Variants in TAFA4 observed in about 807,000 individuals in gnomAD.
The protein encoded by TAFA4 is chemokine-like protein TAFA-4.
In TAFA4, 20 loss-of-function variants were observed where a neutral mutation model predicts 21.1. That is an observed-to-expected ratio of 0.95 (90% CI 0.67 to 1.38). The LOEUF is 1.38. Among genes scored for constraint, TAFA4 ranks in the 40% most tolerant of loss-of-function variants. The pLI is 0.00. For synonymous variants in TAFA4, 71 were observed against 67.4 expected, an observed-to-expected ratio of 1.05 and a Z score of -0.26; for missense variants, 211 against 180.9, an observed-to-expected ratio of 1.17 and a Z score of -0.95.
intron 3 of TAFA4, among the ~76,000 whole-genome samples, chr3:68,772,078 A>C (rs76337408): frequency 0.095 from 14,386 of 152,080 alleles, 852 homozygotes; most frequent in African/African-American, 0.16. Flanking sequence ...CCTACACCTC[A>C]TTTTAACCAG....
At chr3:68,749,870 C>T (rs1210124766) in intron 4 of TAFA4, among the ~76,000 whole-genome samples, 1 of 152,228 alleles carries the variant, frequency 6.6e-6, no homozygotes, top group African/African-American at 2.4e-5. Context: ...TCAAATGCTC[C>T]ATAGCCACGG....
At chr3:68,848,901 C>A (rs914012606) in intron 3 of TAFA4, among the ~76,000 whole-genome samples, 6 of 150,758 alleles carry the variant, frequency 4.0e-5, no homozygotes, top group Admixed American at 2.6e-4. Flanking sequence ...AAACTTCATT[C>A]TTTGGAATAC....
chr3:68,871,360 A>G (rs527920553), intron 3 of TAFA4, among the ~76,000 whole-genome samples: 43 of 152,248 alleles, frequency 2.8e-4, no homozygotes, highest in Non-Finnish European at 2.9e-5. Flanking sequence ...TGGTGCTGGG[A>G]AAACTGAAAA....
intron 4 of TAFA4, among the ~76,000 whole-genome samples, chr3:68,744,333 G>T (rs891329932): frequency 1.3e-5 from 2 of 152,202 alleles, no homozygotes; most frequent in Non-Finnish European, 2.9e-5. Flanking sequence ...TGTCTGGGAA[G>T]GAACCATTAG....
At chr3:68,808,863 G>A (rs926528667) in intron 3 of TAFA4, among the ~76,000 whole-genome samples, 3 of 152,178 alleles carry the variant, frequency 2.0e-5, no homozygotes, top group African/African-American at 7.2e-5. Flanking sequence ...CTGGCTCCAT[G>A]TCATCCTCAT....
intron 3 of TAFA4, among the ~76,000 whole-genome samples, chr3:68,840,961 A>G (rs979392073): frequency 1.3e-5 from 2 of 152,206 alleles, no homozygotes; most frequent in African/African-American, 4.8e-5. Context: ...CTCTGCTACC[A>G]ATACGATAGC....
chr3:68,854,104 G>C (rs770188376), intron 3 of TAFA4, among the ~76,000 whole-genome samples: 2 of 152,074 alleles, frequency 1.3e-5, no homozygotes, highest in African/African-American at 2.4e-5. Flanking sequence ...TATAAAGCAG[G>C]AGTATGGGAG....
chr3:68,797,126 A>G, intron 3 of TAFA4, among the ~76,000 whole-genome samples: 1 of 152,334 alleles, frequency 6.6e-6, no homozygotes, highest in East Asian at 1.9e-4. Flanking sequence ...TTACCACATG[A>G]TCTGGTAATC....
intron 3 of TAFA4, among the ~76,000 whole-genome samples, chr3:68,756,605 G>A (rs935931589): frequency 4.6e-5 from 7 of 152,092 alleles, no homozygotes; most frequent in South Asian, 2.1e-4. Flanking sequence ...CTTCAACGTC[G>A]ATGGCAAGAA....
intron 1 of TAFA4, among the ~76,000 whole-genome samples, chr3:68,918,584 C>G (rs544148143): frequency 1.3e-5 from 2 of 152,214 alleles, no homozygotes; most frequent in African/African-American, 2.4e-5. Flanking sequence ...GTCACCCAAG[C>G]GGGAATGCAC....
intron 3 of TAFA4, among the ~76,000 whole-genome samples, chr3:68,764,082 A>G (rs1170539007): frequency 6.6e-6 from 1 of 152,176 alleles, no homozygotes; most frequent in Non-Finnish European, 1.5e-5. Context: ...ACAAATTCAT[A>G]TGTTGAAACT....
intron 1 of TAFA4, among the ~76,000 whole-genome samples, chr3:68,889,068 C>G (rs906992875): frequency 6.6e-6 from 1 of 152,192 alleles, no homozygotes; most frequent in Non-Finnish European, 1.5e-5. Flanking sequence ...TTCTATCAGT[C>G]TGCTTCAAAA....
chr3:68,785,616 G>A (rs532336111), intron 3 of TAFA4, among the ~76,000 whole-genome samples: 77 of 152,324 alleles, frequency 5.1e-4, no homozygotes, highest in Middle Eastern at 3.4e-3. Context: ...CACAAGCACC[G>A]CGTGCAGCCC....
At chr3:68,813,328 G>A (rs148074748) in intron 3 of TAFA4, among the ~76,000 whole-genome samples, 301 of 152,258 alleles carry the variant, frequency 2.0e-3, no homozygotes, top group African/African-American at 6.7e-3. Context: ...TATGAGAGCA[G>A]AACTGAAGGA....
At chr3:68,831,192 A>G (rs1460038775) in intron 3 of TAFA4, among the ~76,000 whole-genome samples, 2 of 152,170 alleles carry the variant, frequency 1.3e-5, no homozygotes, top group African/African-American at 4.8e-5. Context: ...ATTACATTTA[A>G]GGTTAATATT....
At chr3:68,821,260 AC>A (rs1233153124) in intron 3 of TAFA4, among the ~76,000 whole-genome samples, 1 of 152,038 alleles carries the variant, frequency 6.6e-6, no homozygotes, top group African/African-American at 2.4e-5. Flanking sequence ...AGATATAAAC[AC>A]AGCATCAAAA....
At chr3:68,882,927 G>T (rs2106953437) in intron 2 of TAFA4, 1 of 152,314 alleles carries the variant, frequency 6.6e-6, no homozygotes, top group South Asian at 2.1e-4. Context: ...TGTTAGCAAT[G>T]TCTGAAGCAA....
intron 3 of TAFA4, among the ~76,000 whole-genome samples, chr3:68,789,598 C>A (rs1178922971): frequency 6.6e-6 from 1 of 152,064 alleles, no homozygotes; most frequent in African/African-American, 2.4e-5. Context: ...TCTCTGACCC[C>A]AGCTTTATTT....
intron 3 of TAFA4, among the ~76,000 whole-genome samples, chr3:68,786,754 A>G (rs1478345290): frequency 6.6e-6 from 1 of 152,220 alleles, no homozygotes; most frequent in Non-Finnish European, 1.5e-5. Flanking sequence ...CACAAACTGC[A>G]TATAAGTTAG....
Sources: gnomAD v4.1 joint callset for allele counts (sites outside exome capture counted in the v4.1 genomes callset) on GRCh38, gnomAD v4.1.1 for gene constraint, MANE v1.5 for transcripts, NCBI Gene and HGNC (gene_info 2026-07-23, HGNC 2026-07-21) for gene names.